The following PID1 variants were observed in gnomAD, a reference collection of about 807,000 sequenced individuals.
The protein encoded by PID1 is phosphotyrosine interaction domain containing 1.
PID1 carries 10 observed loss-of-function variants against 19.1 expected under a neutral mutation model. That is an observed-to-expected ratio of 0.52 (90% CI 0.32 to 0.89). The LOEUF is 0.89. PID1 is among the 40% of genes least tolerant of loss of function. PID1 has a pLI of 0.03. For missense variants in PID1, 248 were observed against 285.3 expected, an observed-to-expected ratio of 0.87 and a Z score of 0.94; for synonymous variants, 130 against 116.0, an observed-to-expected ratio of 1.12 and a Z score of -0.78.
chr2:229,183,967 ATATATATATCCCATATG>A (rs1237820034), intron 1 of PID1, among the ~76,000 whole-genome samples: 27 of 626 alleles, frequency 0.043, 11 homozygotes, highest in African/African-American at 0.15. Flanking sequence ...TATATATCCC[ATATATATATCCCATATG>A]TATGTATATA....
chr2:229,214,284 G>T (rs996496652), intron 1 of PID1, among the ~76,000 whole-genome samples: 2 of 150,480 alleles, frequency 1.3e-5, no homozygotes, highest in Admixed American at 6.6e-5. Context: ...ATCTTACTTG[G>T]GGGTATTTTC....
chr2:229,087,806 C>G (rs566124891), intron 2 of PID1, among the ~76,000 whole-genome samples: 51 of 152,008 alleles, frequency 3.4e-4, no homozygotes, highest in Non-Finnish European at 4.0e-4. Context: ...CTTGTGATAC[C>G]TGACAACACA....
At chr2:229,158,256 C>T (rs556598106) in intron 1 of PID1, among the ~76,000 whole-genome samples, 29 of 152,294 alleles carry the variant, frequency 1.9e-4, no homozygotes, top group East Asian at 7.7e-4. Flanking sequence ...TTCAATGGTA[C>T]GTTTCTTCTG....
intron 1 of PID1, among the ~76,000 whole-genome samples, chr2:229,231,162 G>C (rs1692198054): frequency 1.3e-5 from 2 of 151,766 alleles, no homozygotes; most frequent in South Asian, 4.2e-4. Flanking sequence ...TCCACCTGGA[G>C]ATGGGATTAG....
At chr2:229,246,438 T>C (rs1055982970) in intron 1 of PID1, among the ~76,000 whole-genome samples, 1 of 152,078 alleles carries the variant, frequency 6.6e-6, no homozygotes, top group Non-Finnish European at 1.5e-5. Flanking sequence ...GAAACACACA[T>C]ACACATAATT....
chr2:229,158,330 T>C (rs184940537), intron 1 of PID1, among the ~76,000 whole-genome samples: 79 of 152,344 alleles, frequency 5.2e-4, no homozygotes, highest in African/African-American at 1.6e-3. Flanking sequence ...TGTAGCCAGT[T>C]TGCACACATA....
At chr2:229,118,511 C>G (rs1695453471) in intron 2 of PID1, among the ~76,000 whole-genome samples, 1 of 152,188 alleles carries the variant, frequency 6.6e-6, no homozygotes, top group Non-Finnish European at 1.5e-5. Context: ...AGCGCTACAT[C>G]CTAATCTTTC....
intron 2 of PID1, among the ~76,000 whole-genome samples, chr2:229,046,375 TGTGTGC>T (rs1166703139): frequency 6.8e-6 from 1 of 147,858 alleles, no homozygotes; most frequent in Non-Finnish European, 1.5e-5. Flanking sequence ...TGTGTGTGTG[TGTGTGC>T]GTGTGTGTGT....
In PID1 at chr2:229,035,540, G is replaced by GTA. The variant is rs1049652401; in HGVS notation, c.178-9433_178-9432insTA. ...TGTGTGTGTGTGTGTGTGTGTGTGT[G>GTA]CACCAACCTAACACCACTCCTTTGT... On this transcript the variant is annotated intron_variant, in intron 2 of 2. Coordinates refer to ENST00000392055, the MANE Select transcript of PID1 (RefSeq NM_001100818.2). 5.1e-4 allele frequency among the ~76,000 whole-genome samples: 73 copies of GTA among 143,064 alleles called. 1 individual carries two copies. The highest frequency in any genetic ancestry group is 1.9e-3 in the African/African-American group (73 of 37,810). The allele number at this position is 143,064 out of a possible 152,430, so 93.9% of individuals were successfully genotyped here.
At chr2:229,237,363 T>C (rs1018595182) in intron 1 of PID1, among the ~76,000 whole-genome samples, 1 of 152,184 alleles carries the variant, frequency 6.6e-6, no homozygotes, top group Non-Finnish European at 1.5e-5. Flanking sequence ...AAATGTTATG[T>C]GAACATCTCC....
chr2:229,228,963 C>A (rs1692143607), intron 1 of PID1, among the ~76,000 whole-genome samples: 1 of 152,126 alleles, frequency 6.6e-6, no homozygotes, highest in South Asian at 2.1e-4. Flanking sequence ...AGAAATATAC[C>A]TTATCTCAAA....
At chr2:229,112,134 T>G (rs143316306) in intron 2 of PID1, among the ~76,000 whole-genome samples, 64 of 152,368 alleles carry the variant, frequency 4.2e-4, no homozygotes, top group African/African-American at 1.5e-3. Context: ...ATCCATTATT[T>G]CGATGTTAAA....
intron 2 of PID1, among the ~76,000 whole-genome samples, chr2:229,111,421 C>G (rs1262475995): frequency 6.6e-6 from 1 of 152,126 alleles, no homozygotes; most frequent in Non-Finnish European, 1.5e-5. Context: ...TTTTCACTGT[C>G]TCAAGAATTA....
intron 1 of PID1, among the ~76,000 whole-genome samples, chr2:229,212,953 T>TA (rs1186167296): frequency 6.6e-6 from 1 of 152,056 alleles, no homozygotes; most frequent in Non-Finnish European, 1.5e-5. Context: ...TCCTCAAACT[T>TA]ACTCTCAAAT....
intron 1 of PID1, among the ~76,000 whole-genome samples, chr2:229,252,229 G>A (rs1377703038): frequency 6.6e-6 from 1 of 152,216 alleles, no homozygotes; most frequent in East Asian, 1.9e-4. Flanking sequence ...TAATTATAGG[G>A]AAAGGAGGAA....
chr2:229,102,788 A>C (rs995197577), intron 2 of PID1, among the ~76,000 whole-genome samples: 9 of 152,214 alleles, frequency 5.9e-5, no homozygotes, highest in Non-Finnish European at 1.3e-4. Flanking sequence ...AGAGCCAGTC[A>C]CAGAGTGCCC....
chr2:229,227,997 G>A (rs1054212333), intron 1 of PID1: 2 of 455,922 alleles, frequency 4.4e-6, no homozygotes, highest in South Asian at 3.1e-5. Flanking sequence ...TTCACAAGAG[G>A]TCCTGAATCG....
intron 1 of PID1, among the ~76,000 whole-genome samples, chr2:229,197,859 A>G (rs1691410320): frequency 6.6e-6 from 1 of 152,042 alleles, no homozygotes; most frequent in South Asian, 2.1e-4. Context: ...TTTTATGACT[A>G]TGTTACAACC....
chr2:229,072,250 C>A (rs1165908919), intron 2 of PID1, among the ~76,000 whole-genome samples: 1 of 152,154 alleles, frequency 6.6e-6, no homozygotes. Context: ...AACTATCTAA[C>A]AAGTTTTGCT....
Sources: gnomAD v4.1 joint callset for allele counts (sites outside exome capture counted in the v4.1 genomes callset) on GRCh38, gnomAD v4.1.1 for gene constraint, MANE v1.5 for transcripts, NCBI Gene and HGNC (gene_info 2026-07-23, HGNC 2026-07-21) for gene names.